The following ZNF486 variants were observed in gnomAD, a reference collection of about 807,000 sequenced individuals.
ZNF486 encodes the protein KRAB box only protein 2.
Under a neutral mutation model 12.8 loss-of-function variants are expected in ZNF486, and 12 were observed. That is an observed-to-expected ratio of 0.94 (90% CI 0.60 to 1.52). The LOEUF (loss-of-function observed/expected upper bound fraction) is 1.52, where lower values mean the gene tolerates loss of function less well. ZNF486 is among the 40% of genes most tolerant of loss of function. The pLI is 0.00. For missense variants in ZNF486, 738 were observed against 545.0 expected (o/e 1.35, Z -3.53); for synonymous variants, 231 against 184.9 (o/e 1.25, Z -2.02).
intron 1 of ZNF486, among the ~76,000 whole-genome samples, chr19:20,180,029 T>C (rs1020664609): frequency 6.6e-6 from 1 of 152,234 alleles, no homozygotes; most frequent in East Asian, 1.9e-4. Flanking sequence ...GCAGTTGTTT[T>C]CTATTCAGAA....
intron 1 of ZNF486, among the ~76,000 whole-genome samples, chr19:20,181,682 G>A (rs1009130017): frequency 6.6e-6 from 1 of 151,898 alleles, no homozygotes; most frequent in African/African-American, 2.4e-5. Flanking sequence ...TGCTCCACAA[G>A]TCACAGAAAA....
chr19:20,185,560 C>T (rs1264312056), intron 2 of ZNF486, among the ~76,000 whole-genome samples: 3 of 151,352 alleles, frequency 2.0e-5, no homozygotes, highest in Admixed American at 6.6e-5. Context: ...ACTACAGGCA[C>T]GTGCCGCTGC....
chr19:20,188,341 T>G, intron 3 of ZNF486: 1 of 397,906 alleles, frequency 2.5e-6, no homozygotes. Flanking sequence ...TTTAAAAAAA[T>G]TGTTTTAAAA....
intron 3 of ZNF486, among the ~76,000 whole-genome samples, chr19:20,191,658 T>C (rs956133532): frequency 6.0e-5 from 9 of 150,830 alleles, no homozygotes; most frequent in African/African-American, 2.2e-4. Flanking sequence ...TAGTCCCAGC[T>C]ACTCGGGAGG....
intron 1 of ZNF486, 83 bp downstream of exon 1, chr19:20,167,443 T>TA: frequency 6.7e-7 from 1 of 1,489,944 alleles, no homozygotes; most frequent in Non-Finnish European, 9.2e-7. Flanking sequence ...GGCCTCCCCG[T>TA]AGTCAGCTCC....
At position 20,198,366 on chromosome 19, in the gene ZNF486, G is replaced by C. The variant is rs1052203959; in HGVS notation, c.*264G>C. 2.7e-5 allele frequency: 11 copies of C among 412,822 alleles called. 1 individual carries two copies. Among genetic ancestry groups the C allele is most frequent in the African/African-American group, 2.2e-4 (11 of 49,682 alleles). 25.6% of individuals were successfully genotyped at this position (412,822 alleles called of 1,614,324 possible). On this transcript the variant is annotated 3_prime_UTR_variant, in exon 4 of 4. Coordinates refer to ENST00000335117, the MANE Select transcript of ZNF486 (RefSeq NM_052852.4). Reference sequence around the variant, plus strand: ...GGTCTGCCTGCTTTGGCCTCCCAAAGTGTTGGGGTTACAGGCATGAGCCAC... The same window carrying C: ...GGTCTGCCTGCTTTGGCCTCCCAAACTGTTGGGGTTACAGGCATGAGCCAC...
In ZNF486 at chr19:20,184,321, C is replaced by T. The variant is rs782367140; in HGVS notation, c.31-35C>T. 5.6e-6 allele frequency: 9 copies of T among 1,608,288 alleles called. No individual in the cohort carries two copies. The East Asian group carries it at 1.3e-4, about 24-fold the overall frequency. On this transcript the variant is annotated intron_variant, in intron 1 of 3. Coordinates refer to ENST00000335117, the MANE Select transcript of ZNF486 (RefSeq NM_052852.4). ...AAATTAAAAATTCCACCAACGGCGA[C>T]TTGGTGAAAATGTGTGTGTGTGTGT... is the stretch of plus-strand genomic sequence containing the variant.
At chr19:20,183,746 C>CA (rs2089811983) in intron 1 of ZNF486, among the ~76,000 whole-genome samples, 1 of 152,020 alleles carries the variant, frequency 6.6e-6, no homozygotes, top group African/African-American at 2.4e-5. Flanking sequence ...TTAAATCTGG[C>CA]AGCTTTCTTT....
intron 3 of ZNF486, among the ~76,000 whole-genome samples, chr19:20,186,454 G>A (rs1043150127): frequency 1.6e-4 from 24 of 151,930 alleles, no homozygotes; most frequent in Admixed American, 3.3e-4. Context: ...TTGTCTTTTT[G>A]CTTCAGATCT....
At position 20,197,337 on chromosome 19, in the gene ZNF486, A is replaced by T. The variant is rs1409336805; in HGVS notation, c.627A>T (p.Pro209=). 2 of 1,613,194 alleles carry T rather than the reference A, an allele frequency of 1.2e-6. No homozygotes were observed. The highest frequency in any genetic ancestry group is 3.3e-5 in the Admixed American group (2 of 59,912). ...AAAAAATTGATACTGGAGAGAAACC[A>T]TACAAATGTGAAGAATGTGGCAAAG... ...THKKIDTGEK[P]YKCEECGKAF... Residue 209 remains proline, a synonymous_variant, in exon 4 of 4, where the codon CCA becomes CCT. Transcript: ENST00000335117.
intron 3 of ZNF486, among the ~76,000 whole-genome samples, chr19:20,186,862 C>G (rs2089853289): frequency 7.0e-6 from 1 of 141,946 alleles, no homozygotes; most frequent in South Asian, 2.3e-4. Flanking sequence ...TGGTTCACTG[C>G]AAACTCTGCC....
At chr19:20,195,677 C>A (rs1335820730) in intron 3 of ZNF486, among the ~76,000 whole-genome samples, 1 of 152,150 alleles carries the variant, frequency 6.6e-6, no homozygotes, top group Non-Finnish European at 1.5e-5. Flanking sequence ...ATTGTCTTGG[C>A]TAGAGATTCT....
At chr19:20,186,153 T>C (rs2089843669) in intron 3 of ZNF486, 71 bp downstream of exon 3, 1 of 1,179,390 alleles carries the variant, frequency 8.5e-7, no homozygotes, top group Non-Finnish European at 1.2e-6. Context: ...AGAAAGCCAG[T>C]CCTTAAAATG....
At chr19:20,190,399 T>A (rs1401015281) in intron 3 of ZNF486, among the ~76,000 whole-genome samples, 2 of 152,244 alleles carry the variant, frequency 1.3e-5, no homozygotes, top group African/African-American at 4.8e-5. Flanking sequence ...GATTTGTTGT[T>A]GTTTTAAGAC....
In ZNF486 at chr19:20,198,338, G is replaced by A. The variant is rs566623155; in HGVS notation, c.*236G>A. 117 of 453,952 alleles carry A rather than the reference G, an allele frequency of 2.6e-4. No homozygotes were observed. The South Asian group carries it at 3.2e-3, about 12-fold the overall frequency. The allele number at this position is 453,952 out of a possible 1,614,324, so 28.1% of individuals were successfully genotyped here. ...GGCTGGTCTCAATCTCCTAACCTCA[G>A]GTGGTCTGCCTGCTTTGGCCTCCCA... is the stretch of plus-strand genomic sequence containing the variant. On this transcript the variant is annotated 3_prime_UTR_variant, in exon 4 of 4. Transcript: ENST00000335117.
At chr19:20,183,814 A>G (rs1244521254) in intron 1 of ZNF486, among the ~76,000 whole-genome samples, 1 of 152,192 alleles carries the variant, frequency 6.6e-6, no homozygotes, top group Non-Finnish European at 1.5e-5. Context: ...CAGGCTAGAA[A>G]ATCTGAAAAA....
chr19:20,176,419 G>C (rs1555714802), intron 1 of ZNF486: 2 of 201,970 alleles, frequency 9.9e-6, no homozygotes, highest in Non-Finnish European at 2.0e-5. Flanking sequence ...TTCCCAGACG[G>C]GGTGGCGGCC....
chr19:20,176,042 G>C (rs557523060), intron 1 of ZNF486: 1 of 172,614 alleles, frequency 5.8e-6, no homozygotes, highest in Non-Finnish European at 1.2e-5. Flanking sequence ...GGTGGCTGCC[G>C]GGCGGAGATG....
intron 1 of ZNF486, chr19:20,176,232 G>A: frequency 5.1e-6 from 1 of 195,018 alleles, no homozygotes; most frequent in Non-Finnish European, 1.1e-5. Flanking sequence ...ACGATGGGCG[G>A]CCGGGCAGAG....
Sources: gnomAD v4.1 joint callset for allele counts (sites outside exome capture counted in the v4.1 genomes callset) on GRCh38, gnomAD v4.1.1 for gene constraint, MANE v1.5 for transcripts, NCBI Gene and HGNC (gene_info 2026-07-23, HGNC 2026-07-21) for gene names.